Variants in POPDC2 observed in about 807,000 individuals in gnomAD.
The protein encoded by POPDC2 is popeye domain cAMP effector 2, also known as popeye domain-containing protein 2.
Under a neutral mutation model 30.5 loss-of-function variants are expected in POPDC2, and 24 were observed. The ratio of observed to expected loss-of-function variants is 0.79; its 90% CI spans 0.57 to 1.11. The LOEUF (loss-of-function observed/expected upper bound fraction) is 1.11, where lower values mean the gene tolerates loss of function less well. Ranked by LOEUF, POPDC2 falls within the 50% of genes least tolerant of loss-of-function variation. POPDC2 has a pLI of 0.00. For missense variants in POPDC2, 409 were observed against 447.0 expected (o/e 0.91, Z 0.77); for synonymous variants, 185 against 183.3 (o/e 1.01, Z -0.07).
At position 119,642,443 on chromosome 3, in the gene POPDC2, G is replaced by A; in HGVS notation, c.*162C>T. 1 of 1,475,920 alleles carries A rather than the reference G, an allele frequency of 6.8e-7. No homozygotes were observed. 91.4% of individuals were successfully genotyped at this position (1,475,920 alleles called of 1,614,324 possible). A position where few individuals can be genotyped will look rare whatever the true frequency, so the allele number is the denominator to read the frequency against. On this transcript the variant is annotated 3_prime_UTR_variant, in exon 4 of 4. Coordinates refer to ENST00000493094, the MANE Select transcript of POPDC2 (RefSeq NM_001369919.2). Reference sequence around the variant, plus strand: ...CATTCTGTGAACACAGAAGAGAGCTGCGCTGGCCACAGAGAAGATAGTCCA... The same window carrying A: ...CATTCTGTGAACACAGAAGAGAGCTACGCTGGCCACAGAGAAGATAGTCCA...
In POPDC2 at chr3:119,660,467, C is replaced by T; in HGVS notation, c.-44G>A. Reference sequence around the variant, plus strand: ...CCTCACTGGGCTCTAATACTGTCCTCACATAGGAAATTCAGAAAATGAATG... The same window carrying T: ...CCTCACTGGGCTCTAATACTGTCCTTACATAGGAAATTCAGAAAATGAATG... On this transcript the variant is annotated 5_prime_UTR_variant, in exon 1 of 4. An upstream open reading frame in the 5' UTR loses its in-frame stop. Coordinates refer to ENST00000493094, the MANE Select transcript of POPDC2 (RefSeq NM_001369919.2). 1 of 1,555,288 alleles carries T rather than the reference C, an allele frequency of 6.4e-7. No individual in the cohort carries two copies.
At chr3:119,654,080 G>T (rs2052849007) in intron 2 of POPDC2, among the ~76,000 whole-genome samples, 1 of 152,162 alleles carries the variant, frequency 6.6e-6, no homozygotes, top group South Asian at 2.1e-4. Flanking sequence ...TCAGAGGGGA[G>T]AGTAGGGGCC....
In POPDC2 at chr3:119,648,412, T is replaced by A; in HGVS notation, c.857A>T (p.Asp286Val). The A allele has an allele frequency of 1.2e-6, 2 of 1,614,066 alleles. No individual in the cohort carries two copies. The highest frequency in any genetic ancestry group is 1.7e-6 in the Non-Finnish European group (2 of 1,180,020). ...CACAGCTGGCTCACAGACTTCCTCA[T>A]CACCCTTCTCGGACTCTGGTCCAGC... ...ADAGPESEKGDEEVCEPAVSP... is the reference protein window; with the variant it reads ...ADAGPESEKGVEEVCEPAVSP... Residue 286 changes from aspartate to valine, a missense_variant, in exon 3 of 4, where the codon GAT becomes GTT. Physicochemically the swap from Asp to Val is radical, Grantham distance 152. Coordinates refer to ENST00000493094, the MANE Select transcript of POPDC2 (RefSeq NM_001369919.2).
At chr3:119,642,989 G>A (rs1466680019) in intron 3 of POPDC2, among the ~76,000 whole-genome samples, 2 of 152,200 alleles carry the variant, frequency 1.3e-5, no homozygotes, top group African/African-American at 4.8e-5. Flanking sequence ...CATGACTCAG[G>A]AGCAGCCCCA....
At chr3:119,646,835 T>G (rs2052751010) in intron 3 of POPDC2, among the ~76,000 whole-genome samples, 1 of 151,992 alleles carries the variant, frequency 6.6e-6, no homozygotes, top group African/African-American at 2.4e-5. Context: ...CCAAGAGGGA[T>G]CCATAGGACA....
chr3:119,645,619 G>T (rs1279735195), intron 3 of POPDC2, among the ~76,000 whole-genome samples: 1 of 151,342 alleles, frequency 6.6e-6, no homozygotes, highest in East Asian at 1.9e-4. Flanking sequence ...AAAAAAATCT[G>T]CACTGTAATC....
intron 2 of POPDC2, among the ~76,000 whole-genome samples, chr3:119,653,476 ATTC>A (rs2052839953): frequency 6.6e-6 from 1 of 150,502 alleles, no homozygotes; most frequent in South Asian, 2.1e-4. Flanking sequence ...CAGTTCAGCA[ATTC>A]TTTTTTTTTT....
intron 2 of POPDC2, among the ~76,000 whole-genome samples, chr3:119,654,240 G>A (rs2107820808): frequency 6.6e-6 from 1 of 152,272 alleles, no homozygotes; most frequent in Middle Eastern, 3.4e-3. Flanking sequence ...ACAAGTGTGG[G>A]TTTTTATGTT....
chr3:119,647,997 A>G, intron 3 of POPDC2, 122 bp downstream of exon 3: 1 of 787,938 alleles, frequency 1.3e-6, no homozygotes, highest in Non-Finnish European at 1.9e-6. Flanking sequence ...AGTTGGGTTA[A>G]TGCCACTTTC....
intron 1 of POPDC2, among the ~76,000 whole-genome samples, chr3:119,655,548 T>C (rs1237689018): frequency 6.6e-6 from 1 of 152,182 alleles, no homozygotes; most frequent in Non-Finnish European, 1.5e-5. Context: ...CTTTCTCCCT[T>C]CCCATTAGCT....
intron 2 of POPDC2, among the ~76,000 whole-genome samples, chr3:119,653,305 G>C (rs1341512664): frequency 6.6e-6 from 1 of 152,148 alleles, no homozygotes; most frequent in Non-Finnish European, 1.5e-5. Context: ...CCTGCCACAT[G>C]CTAGCCATTC....
intron 3 of POPDC2, among the ~76,000 whole-genome samples, chr3:119,644,731 CG>C (rs140741076): frequency 0.011 from 1,689 of 152,140 alleles, 10 homozygotes; most frequent in Admixed American, 0.018. Context: ...AGTGCTGTGC[CG>C]GGATGAATAG....
chr3:119,646,227 A>G (rs1171190962), intron 3 of POPDC2, among the ~76,000 whole-genome samples: 1 of 152,186 alleles, frequency 6.6e-6, no homozygotes, highest in African/African-American at 2.4e-5. Flanking sequence ...GGGAAAAAGA[A>G]AAAAGGAGGT....
At chr3:119,654,369 A>C in intron 2 of POPDC2, 136 bp downstream of exon 2, 1 of 641,452 alleles carries the variant, frequency 1.6e-6, no homozygotes, top group South Asian at 1.9e-5. Flanking sequence ...TTTTCAGAGG[A>C]AGAGTGCCCC....
At chr3:119,650,975 G>C (rs1169643792) in intron 2 of POPDC2, among the ~76,000 whole-genome samples, 1 of 152,206 alleles carries the variant, frequency 6.6e-6, no homozygotes, top group African/African-American at 2.4e-5. Flanking sequence ...CAGGCCAAAA[G>C]CCTTAGAGTC....
At chr3:119,650,644 C>T (rs1275865369) in intron 2 of POPDC2, among the ~76,000 whole-genome samples, 3 of 152,200 alleles carry the variant, frequency 2.0e-5, no homozygotes, top group African/African-American at 7.2e-5. Context: ...CTCTCCAACT[C>T]CTCACCACTA....
intron 2 of POPDC2, among the ~76,000 whole-genome samples, chr3:119,649,162 G>A (rs1347325837): frequency 6.6e-6 from 1 of 152,122 alleles, no homozygotes; most frequent in Non-Finnish European, 1.5e-5. Flanking sequence ...CTTCTGATGA[G>A]GTATGCCAAG....
chr3:119,656,097 AG>A (rs1209165447), intron 1 of POPDC2, among the ~76,000 whole-genome samples: 1 of 152,210 alleles, frequency 6.6e-6, no homozygotes, highest in East Asian at 1.9e-4. Context: ...TCCTCCCTGA[AG>A]GAACTAAAAA....
chr3:119,645,617 C>T (rs1356603780), intron 3 of POPDC2, among the ~76,000 whole-genome samples: 4 of 149,502 alleles, frequency 2.7e-5, no homozygotes, highest in African/African-American at 9.8e-5. Context: ...AAAAAAAAAT[C>T]TGCACTGTAA....
Sources: allele counts gnomAD v4.1 joint callset (sites outside exome capture counted in the v4.1 genomes callset), GRCh38; gene constraint gnomAD v4.1.1; transcripts MANE v1.5; gene names NCBI Gene and HGNC (gene_info 2026-07-23, HGNC 2026-07-21).